The following NLGN1 variants were observed in gnomAD, a reference collection of about 807,000 sequenced individuals.
NLGN1 encodes neuroligin 1, also known as neuroligin-1.
A neutral mutation model predicts 65.5 loss-of-function variants in NLGN1; 12 were observed. The ratio of observed to expected loss-of-function variants is 0.18; its 90% CI spans 0.12 to 0.30. The LOEUF is 0.30. Ranked by LOEUF, NLGN1 falls within the 10% of genes least tolerant of loss-of-function variation. The pLI, the probability that NLGN1 is intolerant of heterozygous loss-of-function variation, is 1.00. For missense variants in NLGN1, 750 were observed against 1,007.1 expected (o/e 0.74, Z 3.46); for synonymous variants, 350 against 359.5 (o/e 0.97, Z 0.30).
intron 3 of NLGN1, among the ~76,000 whole-genome samples, chr3:173,674,976 C>T (rs1403405236): frequency 1.3e-5 from 2 of 151,714 alleles, no homozygotes; most frequent in Non-Finnish European, 1.5e-5. Flanking sequence ...TTTTGACTAA[C>T]TAAATTTTTT....
At chr3:173,634,154 G>T (rs1275080223) in intron 3 of NLGN1, among the ~76,000 whole-genome samples, 1 of 151,662 alleles carries the variant, frequency 6.6e-6, no homozygotes, top group Non-Finnish European at 1.5e-5. Flanking sequence ...TCTTTGTTTT[G>T]AAAGAAAAGC....
In NLGN1 at chr3:173,796,311, T is replaced by C. The variant is rs62289956; in HGVS notation, c.494-11369T>C. Among the ~76,000 whole-genome samples, 722 of 152,274 alleles carry C rather than the reference T, an allele frequency of 4.7e-3. 3 individuals are homozygous for C. The highest frequency in any genetic ancestry group is 7.9e-3 in the Admixed American group (120 of 15,268). The stretch of plus-strand genomic sequence containing the variant: ...CCTGTTAACTACAGAGAAACGCTGA[T>C]ATTTTTACTCCCTTTTTAAAAAATA... On this transcript the variant is annotated intron_variant, in intron 3 of 6. Coordinates refer to ENST00000457714, the Ensembl canonical transcript of NLGN1.
chr3:173,437,043 C>T (rs1047207214), intron 2 of NLGN1, among the ~76,000 whole-genome samples: 2 of 152,306 alleles, frequency 1.3e-5, no homozygotes, highest in South Asian at 2.1e-4. Flanking sequence ...ATTCTGATTC[C>T]TGCATGACTG....
rs141547940 is a variant in NLGN1, at chr3:173,438,879, G to T, written c.-321+3801G>T. ...AAGAAAAGTAAAAACCATAGTTATC[G>T]TGTGGACATTTTCAGGATTATCTCT... On this transcript the variant is annotated intron_variant, in intron 2 of 6. Transcript: ENST00000457714. Among the ~76,000 whole-genome samples the T allele has an allele frequency of 1.6e-3, 249 of 152,212 alleles. 1 individual carries two copies. Among genetic ancestry groups the T allele is most frequent in the African/African-American group, 5.7e-3 (236 of 41,554 alleles).
At chr3:174,055,609 G>A (rs924341871) in intron 4 of NLGN1, among the ~76,000 whole-genome samples, 8 of 151,994 alleles carry the variant, frequency 5.3e-5, no homozygotes, top group African/African-American at 1.9e-4. Context: ...CCTGTGTTCA[G>A]TCCACAGCTC....
At chr3:173,417,085 G>A (rs1451607041) in intron 1 of NLGN1, among the ~76,000 whole-genome samples, 2 of 151,846 alleles carry the variant, frequency 1.3e-5, no homozygotes, top group Non-Finnish European at 2.9e-5. Flanking sequence ...AATTAATAAT[G>A]CATGTTATTT....
intron 2 of NLGN1, among the ~76,000 whole-genome samples, chr3:173,486,688 G>A (rs1208229058): frequency 2.0e-5 from 3 of 152,066 alleles, no homozygotes; most frequent in Non-Finnish European, 2.9e-5. Context: ...AACATAATTC[G>A]ATTTGTTCTT....
At chr3:173,527,316 A>G (rs1608393) in intron 2 of NLGN1, among the ~76,000 whole-genome samples, 14,811 of 152,222 alleles carry the variant, frequency 0.097, 2,153 homozygotes, top group African/African-American at 0.32. Context: ...GATCAGTGAT[A>G]TTGAGTACCT....
At chr3:173,629,578 A>C (rs952705034) in intron 3 of NLGN1, among the ~76,000 whole-genome samples, 24 of 152,314 alleles carry the variant, frequency 1.6e-4, no homozygotes, top group African/African-American at 5.3e-4. Flanking sequence ...ATTTGAATGA[A>C]GATCTAGGTA....
chr3:173,539,624 T>A (rs1210970866), intron 2 of NLGN1, among the ~76,000 whole-genome samples: 4 of 55,040 alleles, frequency 7.3e-5, no homozygotes, highest in South Asian at 8.5e-4. Flanking sequence ...TATTATATAT[T>A]TATATATACA....
chr3:174,008,465 CCCA>C (rs1724895387), intron 4 of NLGN1, among the ~76,000 whole-genome samples: 1 of 151,444 alleles, frequency 6.6e-6, no homozygotes, highest in South Asian at 2.1e-4. Context: ...TGCTTCCCAG[CCCA>C]CCATTTCCTC....
chr3:174,028,158 G>A (rs898314720), intron 4 of NLGN1, among the ~76,000 whole-genome samples: 1 of 152,170 alleles, frequency 6.6e-6, no homozygotes, highest in Admixed American at 6.5e-5. Flanking sequence ...GACTAATACA[G>A]TAAATTGGTA....
chr3:174,229,761 G>A lies in NLGN1; in HGVS notation c.647-45554G>A, dbSNP rs533326771. On this transcript the variant is annotated intron_variant, in intron 4 of 6. Coordinates refer to ENST00000457714, the Ensembl canonical transcript of NLGN1. ...CAAAATTCCATTTTACTGTAATTGC[G>A]ACTATGTGATGTTGCTTTTGAAATA... 3.3e-5 allele frequency among the ~76,000 whole-genome samples: 5 copies of A among 152,260 alleles called. No homozygotes were observed. The South Asian group carries it at 6.2e-4, about 19-fold the overall frequency.
chr3:173,744,882 A>C (rs1280731566), intron 3 of NLGN1, among the ~76,000 whole-genome samples: 1 of 151,102 alleles, frequency 6.6e-6, no homozygotes, highest in African/African-American at 2.4e-5. Context: ...GATATATCTT[A>C]TTCTGCTACC....
At chr3:173,402,675 C>G (rs971494054) in intron 1 of NLGN1, among the ~76,000 whole-genome samples, 1 of 152,110 alleles carries the variant, frequency 6.6e-6, no homozygotes, top group African/African-American at 2.4e-5. Flanking sequence ...CACCTCTTCT[C>G]ATAGCCCCAC....
intron 4 of NLGN1, among the ~76,000 whole-genome samples, chr3:173,957,095 T>A (rs964125185): frequency 4.6e-5 from 7 of 151,946 alleles, no homozygotes; most frequent in African/African-American, 9.7e-5. Flanking sequence ...AGCAAAAAAA[T>A]TTGGAGGGTA....
chr3:173,547,265 A>C (rs1740023669), intron 2 of NLGN1, among the ~76,000 whole-genome samples: 1 of 152,180 alleles, frequency 6.6e-6, no homozygotes, highest in Admixed American at 6.5e-5. Flanking sequence ...TATGAACTAC[A>C]GTCTTGTAAA....
intron 3 of NLGN1, among the ~76,000 whole-genome samples, chr3:173,722,517 GGT>G (rs548825578): frequency 1.4e-3 from 207 of 152,116 alleles, no homozygotes; most frequent in African/African-American, 4.9e-3. Flanking sequence ...TGGGATTACA[GGT>G]GTGAGCCACC....
At chr3:174,115,414 C>G (rs1489177856) in intron 4 of NLGN1, among the ~76,000 whole-genome samples, 1 of 152,136 alleles carries the variant, frequency 6.6e-6, no homozygotes, top group Non-Finnish European at 1.5e-5. Flanking sequence ...TAGGTTCTAT[C>G]CCTGGTTCTC....
Sources: allele counts gnomAD v4.1 joint callset (sites outside exome capture counted in the v4.1 genomes callset), GRCh38; gene constraint gnomAD v4.1.1; transcripts MANE v1.5; gene names NCBI Gene and HGNC (gene_info 2026-07-23, HGNC 2026-07-21).